GALNTL6: variants seen among roughly 807,000 people sequenced by gnomAD.
GALNTL6 encodes the protein polypeptide N-acetylgalactosaminyltransferase-like 6.
GALNTL6 carries 46 observed loss-of-function variants against 73.7 expected under a neutral mutation model. The observed-to-expected ratio is 0.62, with a 90% CI of 0.49 to 0.80. GALNTL6 has a LOEUF of 0.80. Among genes scored for constraint, GALNTL6 ranks in the 30% least tolerant of loss-of-function variants. The pLI is 0.00. For synonymous variants in GALNTL6, 259 were observed against 263.7 expected, an observed-to-expected ratio of 0.98 and a Z score of 0.17; for missense variants, 604 against 755.0, an observed-to-expected ratio of 0.80 and a Z score of 2.34.
At chr4:172,147,438 T>C (rs1733954977) in intron 2 of GALNTL6, among the ~76,000 whole-genome samples, 1 of 152,260 alleles carries the variant, frequency 6.6e-6, no homozygotes, top group Non-Finnish European at 1.5e-5. Flanking sequence ...TTCTTATTTA[T>C]GAGTTCATCC....
intron 12 of GALNTL6, among the ~76,000 whole-genome samples, chr4:173,026,166 G>C (rs1316290977): frequency 6.6e-6 from 1 of 152,160 alleles, no homozygotes; most frequent in Non-Finnish European, 1.5e-5. Context: ...AATGCACATG[G>C]TTTATTTGGG....
rs528832067 is a variant in GALNTL6, at chr4:172,595,434, T to C, written c.554-213927T>C. On this transcript the variant is annotated intron_variant, in intron 5 of 12. Transcript: ENST00000506823. ...AATGCTTTATACTCAGGCACATGAA[T>C]AGAAGCTATTGAACCCATCTAGTGT... Among the ~76,000 whole-genome samples the C allele has an allele frequency of 1.2e-4, 18 of 152,302 alleles. No homozygotes were observed. The East Asian group carries it at 3.5e-3, about 29-fold the overall frequency.
chr4:171,825,177 A>T (rs1413992755), intron 2 of GALNTL6, among the ~76,000 whole-genome samples: 1 of 152,164 alleles, frequency 6.6e-6, no homozygotes, highest in Non-Finnish European at 1.5e-5. Flanking sequence ...TTATTATTTC[A>T]TCTAACTTGA....
At chr4:172,185,774 G>T (rs1735397598) in intron 2 of GALNTL6, among the ~76,000 whole-genome samples, 1 of 152,038 alleles carries the variant, frequency 6.6e-6, no homozygotes, top group Non-Finnish European at 1.5e-5. Context: ...AACACCAGAG[G>T]ATTTTCTTGA....
At chr4:172,877,196 C>T (rs912546540) in intron 7 of GALNTL6, among the ~76,000 whole-genome samples, 1 of 151,884 alleles carries the variant, frequency 6.6e-6, no homozygotes, top group African/African-American at 2.4e-5. Flanking sequence ...AATATGATGT[C>T]TTTTTTATTA....
chr4:172,502,672 T>C lies in GALNTL6; in HGVS notation c.553+153983T>C, dbSNP rs554470050. 7.9e-5 allele frequency among the ~76,000 whole-genome samples: 12 copies of C among 152,326 alleles called. No individual in the cohort carries two copies. In the East Asian group the frequency reaches 2.3e-3, roughly 29 times the overall value. ...CATGACTTTCCAAAAATCAAGTTAG[T>C]TTAATAAGGCAAAAACTACCTTTAG... On this transcript the variant is annotated intron_variant, in intron 5 of 12. Transcript: ENST00000506823.
chr4:171,940,857 A>AAATAAATG (rs1029553938), intron 2 of GALNTL6, among the ~76,000 whole-genome samples: 1 of 146,644 alleles, frequency 6.8e-6, no homozygotes, highest in African/African-American at 2.5e-5. Context: ...ATAAATAAAT[A>AAATAAATG]AATAAATATA....
chr4:172,761,663 CTCTCTT>C (rs1275438704), intron 5 of GALNTL6, among the ~76,000 whole-genome samples: 104 of 28,540 alleles, frequency 3.6e-3, no homozygotes, highest in African/African-American at 0.014. Flanking sequence ...TTCGCCCTTG[CTCTCTT>C]TCTCTCTCTC....
chr4:172,298,115 A>G (rs1332229170), intron 3 of GALNTL6, among the ~76,000 whole-genome samples: 1 of 152,128 alleles, frequency 6.6e-6, no homozygotes. Context: ...CTTTGAAGCA[A>G]TTGTGAATGG....
chr4:173,006,481 C>A (rs1366085435), intron 10 of GALNTL6, among the ~76,000 whole-genome samples: 2 of 152,218 alleles, frequency 1.3e-5, no homozygotes, highest in Non-Finnish European at 2.9e-5. Flanking sequence ...CTACCTTTGA[C>A]CTTCTGGGTG....
At chr4:172,186,018 T>A (rs977992282) in intron 2 of GALNTL6, among the ~76,000 whole-genome samples, 4 of 152,144 alleles carry the variant, frequency 2.6e-5, no homozygotes, top group African/African-American at 7.2e-5. Context: ...TTTGTTAATA[T>A]TGTCTTCTTT....
chr4:171,880,813 TA>T (rs968551254), intron 2 of GALNTL6, among the ~76,000 whole-genome samples: 11 of 151,788 alleles, frequency 7.2e-5, no homozygotes, highest in Non-Finnish European at 1.3e-4. Flanking sequence ...ATTTATTACT[TA>T]AAAAAAAGAA....
chr4:172,900,458 TAA>T (rs1179622299), intron 8 of GALNTL6, among the ~76,000 whole-genome samples: 4 of 152,148 alleles, frequency 2.6e-5, no homozygotes, highest in Non-Finnish European at 5.9e-5. Context: ...TTTCTCTCAT[TAA>T]GAGTAGTCTC....
At chr4:172,851,599 C>G (rs1343107955) in intron 7 of GALNTL6, among the ~76,000 whole-genome samples, 2 of 152,048 alleles carry the variant, frequency 1.3e-5, no homozygotes, top group African/African-American at 4.8e-5. Flanking sequence ...ATAACTTGGA[C>G]AGGTATGGCC....
At chr4:172,168,610 A>T (rs1249575311) in intron 2 of GALNTL6, among the ~76,000 whole-genome samples, 2 of 151,750 alleles carry the variant, frequency 1.3e-5, no homozygotes, top group Non-Finnish European at 2.9e-5. Context: ...TGGTGGTGGT[A>T]ACAATGGCGA....
intron 5 of GALNTL6, among the ~76,000 whole-genome samples, chr4:172,487,295 CTTCTGTCT>C (rs762464907): frequency 0.079 from 6,362 of 80,916 alleles, 375 homozygotes; most frequent in East Asian, 0.19. Flanking sequence ...TCCTTCTTTC[CTTCTGTCT>C]TTCTTTCTTT....
intron 12 of GALNTL6, among the ~76,000 whole-genome samples, chr4:173,027,134 A>G (rs1366585282): frequency 6.6e-6 from 1 of 152,086 alleles, no homozygotes; most frequent in East Asian, 1.9e-4. Flanking sequence ...GATTACAGGC[A>G]CATGCCACCC....
At position 172,052,356 on chromosome 4, in the gene GALNTL6, G is replaced by C. The variant is rs192919835; in HGVS notation, c.139-177300G>C. ...CTTATTTAGAGATGGGCTTGAACACGCCCTTGAAGACCTATGCACACCTTC... is the reference window on the plus strand; with the variant it reads ...CTTATTTAGAGATGGGCTTGAACACCCCCTTGAAGACCTATGCACACCTTC... On this transcript the variant is annotated intron_variant, in intron 2 of 12. Transcript: ENST00000506823. 4 of 894,348 alleles carry C rather than the reference G, an allele frequency of 4.5e-6. No individual in the cohort carries two copies. The African/African-American group carries it at 6.7e-5, about 15-fold the overall frequency. 55.4% of individuals were successfully genotyped at this position (894,348 alleles called of 1,614,324 possible).
intron 5 of GALNTL6, among the ~76,000 whole-genome samples, chr4:172,565,102 C>A (rs1736509926): frequency 6.6e-6 from 1 of 152,170 alleles, no homozygotes; most frequent in South Asian, 2.1e-4. Context: ...GAAGAAGGGG[C>A]AAGGCAATTC....
Sources: allele counts gnomAD v4.1 joint callset (sites outside exome capture counted in the v4.1 genomes callset), GRCh38; gene constraint gnomAD v4.1.1; transcripts MANE v1.5; gene names NCBI Gene and HGNC (gene_info 2026-07-23, HGNC 2026-07-21).